RNF138: variants seen among roughly 807,000 people sequenced by gnomAD.
RNF138 encodes the protein E3 ubiquitin-protein ligase RNF138.
Under a neutral mutation model 31.0 loss-of-function variants are expected in RNF138, and 12 were observed. The observed-to-expected ratio is 0.39, with a 90% CI of 0.25 to 0.63. RNF138 has a LOEUF of 0.63. Among genes scored for constraint, RNF138 ranks in the 20% least tolerant of loss-of-function variants. RNF138 has a pLI of 0.52. For missense variants in RNF138, 192 were observed against 300.1 expected (o/e 0.64, Z 2.66); for synonymous variants, 105 against 99.5 (o/e 1.06, Z -0.33).
chr18:32,100,847 T>C (rs1396999244), intron 2 of RNF138, among the ~76,000 whole-genome samples: 1 of 152,190 alleles, frequency 6.6e-6, no homozygotes, highest in Non-Finnish European at 1.5e-5. Flanking sequence ...TCAAGCGATC[T>C]GCTCGCCTTG....
intron 3 of RNF138, 113 bp downstream of exon 3, chr18:32,112,032 T>G: frequency 7.3e-5 from 62 of 850,998 alleles, no homozygotes; most frequent in Non-Finnish European, 9.8e-5. Context: ...GAAAGGTATT[T>G]AGACTGGGAA....
intron 2 of RNF138, among the ~76,000 whole-genome samples, chr18:32,105,603 A>G (rs186012431): frequency 1.3e-3 from 201 of 152,314 alleles, no homozygotes; most frequent in Non-Finnish European, 2.3e-3. Flanking sequence ...ATATTTCCAG[A>G]TGGATTGAAA....
At chr18:32,104,860 A>T (rs2040003444) in intron 2 of RNF138, among the ~76,000 whole-genome samples, 1 of 152,150 alleles carries the variant, frequency 6.6e-6, no homozygotes, top group South Asian at 2.1e-4. Flanking sequence ...TCCCAACATG[A>T]TTTTTTGGTA....
At chr18:32,108,022 T>A (rs1292278216) in intron 2 of RNF138, among the ~76,000 whole-genome samples, 1 of 151,342 alleles carries the variant, frequency 6.6e-6, no homozygotes, top group Non-Finnish European at 1.5e-5. Flanking sequence ...ACCTGGCTGA[T>A]TTTTGTATTT....
intron 2 of RNF138, among the ~76,000 whole-genome samples, chr18:32,095,099 G>T (rs1195821473): frequency 6.6e-6 from 1 of 152,210 alleles, no homozygotes; most frequent in African/African-American, 2.4e-5. Flanking sequence ...ATTTGGAAGA[G>T]GTGGTAATGG....
At chr18:32,100,544 C>T (rs1337813706) in intron 2 of RNF138, among the ~76,000 whole-genome samples, 2 of 139,122 alleles carry the variant, frequency 1.4e-5, no homozygotes, top group African/African-American at 5.3e-5. Flanking sequence ...GGCGCGATCT[C>T]GGCTCACTGC....
intron 2 of RNF138, among the ~76,000 whole-genome samples, chr18:32,109,207 G>T (rs534999834): frequency 1.3e-5 from 2 of 148,928 alleles, no homozygotes; most frequent in South Asian, 4.2e-4. Context: ...AGGCTGAAGT[G>T]CAGTGGCACG....
chr18:32,098,725 C>T (rs1162605211), intron 2 of RNF138, among the ~76,000 whole-genome samples: 9 of 151,718 alleles, frequency 5.9e-5, no homozygotes, highest in African/African-American at 1.7e-4. Context: ...TGGCGGCAGG[C>T]GCCTGTAATC....
chr18:32,099,558 A>G (rs570592632), intron 2 of RNF138, among the ~76,000 whole-genome samples: 2 of 152,212 alleles, frequency 1.3e-5, no homozygotes, highest in Admixed American at 6.5e-5. Flanking sequence ...ATGCACCACT[A>G]TACCCGGCTA....
At chr18:32,097,756 C>G (rs961676047) in intron 2 of RNF138, among the ~76,000 whole-genome samples, 3 of 151,916 alleles carry the variant, frequency 2.0e-5, no homozygotes, top group African/African-American at 7.3e-5. Flanking sequence ...CCCCTGCGCT[C>G]AAGTGATCTG....
intron 2 of RNF138, among the ~76,000 whole-genome samples, chr18:32,098,126 A>G (rs768867737): frequency 6.6e-6 from 1 of 151,972 alleles, no homozygotes; most frequent in Non-Finnish European, 1.5e-5. Flanking sequence ...AGTTGGGATT[A>G]CAGGCGTGCA....
intron 2 of RNF138, 84 bp from the exon 3 acceptor site, chr18:32,111,670 T>C: frequency 8.9e-7 from 1 of 1,120,780 alleles, no homozygotes; most frequent in Non-Finnish European, 1.3e-6. Flanking sequence ...TGAATACATA[T>C]TTATAATCAC....
At chr18:32,111,670 T>G in intron 2 of RNF138, 84 bp from the exon 3 acceptor site, 1 of 1,120,780 alleles carries the variant, frequency 8.9e-7, no homozygotes, top group Non-Finnish European at 1.3e-6. Context: ...TGAATACATA[T>G]TTATAATCAC....
At chr18:32,100,852 G>A (rs902668287) in intron 2 of RNF138, among the ~76,000 whole-genome samples, 2 of 152,134 alleles carry the variant, frequency 1.3e-5, no homozygotes, top group Admixed American at 6.5e-5. Flanking sequence ...CGATCTGCTC[G>A]CCTTGGCCTC....
chr18:32,128,744 C>G (rs976636425), intron 7 of RNF138, among the ~76,000 whole-genome samples: 1 of 152,110 alleles, frequency 6.6e-6, no homozygotes, highest in Admixed American at 6.6e-5. Context: ...AACTCATAGG[C>G]TCAAACTGTC....
intron 4 of RNF138, among the ~76,000 whole-genome samples, chr18:32,118,003 C>G (rs535486359): frequency 6.6e-6 from 1 of 152,284 alleles, no homozygotes; most frequent in Admixed American, 6.5e-5. Flanking sequence ...GCTGTTCTTA[C>G]TAATCTTGAC....
In RNF138 at chr18:32,121,797, T is replaced by G. The variant is rs182871795; in HGVS notation, c.393-1721T>G. ...CTTAATAAGTGCACTCTCCATAATT[T>G]GACTTTATTTTAAAGAGCAGGTTTT... On this transcript the variant is annotated intron_variant, in intron 4 of 7. Coordinates refer to ENST00000261593, the MANE Select transcript of RNF138 (RefSeq NM_016271.5). Among the ~76,000 whole-genome samples, 237 of 152,340 alleles carry G rather than the reference T, an allele frequency of 1.6e-3. 1 individual carries two copies. The highest frequency in any genetic ancestry group is 2.7e-3 in the Non-Finnish European group (183 of 68,032).
Position 32,107,635 on chromosome 18 carries a change from C to T in RNF138, c.111-4119C>T, listed in dbSNP as rs1195858910. On this transcript the variant is annotated intron_variant, in intron 2 of 7. Transcript: ENST00000261593. The stretch of plus-strand genomic sequence containing the variant: ...TCCCAGGTTCAAGTGATTCTCCTAC[C>T]TCAGCCTCCCAAGTAGCTAGGATTA... Among the ~76,000 whole-genome samples, 4 of 151,996 alleles carry T rather than the reference C, an allele frequency of 2.6e-5. No homozygotes were observed. The East Asian group carries it at 7.7e-4, about 29-fold the overall frequency.
Position 32,129,315 on chromosome 18 carries a change from A to G in RNF138, c.*128A>G. 1.6e-6 allele frequency: 1 copy of G among 623,010 alleles called. No homozygotes were observed. Among genetic ancestry groups the G allele is most frequent in the Non-Finnish European group, 2.8e-6 (1 of 357,592 alleles). 38.6% of individuals were successfully genotyped at this position (623,010 alleles called of 1,614,324 possible). ...AGTAATTCAGTCATTTTAGTTTTTG[A>G]TTGAAAATAAAGGTAGGGCTTCTAA... On this transcript the variant is annotated 3_prime_UTR_variant, in exon 8 of 8. Transcript: ENST00000261593.
Sources: gnomAD v4.1 joint callset for allele counts (sites outside exome capture counted in the v4.1 genomes callset) on GRCh38, gnomAD v4.1.1 for gene constraint, MANE v1.5 for transcripts, NCBI Gene and HGNC (gene_info 2026-07-23, HGNC 2026-07-21) for gene names.